The following WDR70 variants were observed in gnomAD, a reference collection of about 807,000 sequenced individuals.
WDR70 encodes WD repeat-containing protein 70.
In WDR70, 53 loss-of-function variants were observed where a neutral mutation model predicts 88.6. That is an observed-to-expected ratio of 0.60 (90% CI 0.48 to 0.75). The LOEUF (loss-of-function observed/expected upper bound fraction) is 0.75. WDR70 is among the 30% of genes least tolerant of loss of function. WDR70 has a pLI of 0.00. For missense variants in WDR70, 610 were observed against 823.2 expected (o/e 0.74, Z 3.17); for synonymous variants, 280 against 270.0 (o/e 1.04, Z -0.36).
At chr5:37,620,563 T>C (rs1744481024) in intron 10 of WDR70, among the ~76,000 whole-genome samples, 1 of 152,208 alleles carries the variant, frequency 6.6e-6, no homozygotes, top group Admixed American at 6.5e-5. Flanking sequence ...CACAGGCATA[T>C]ATGAAACTGA....
In WDR70 at chr5:37,592,506, G is replaced by C. The variant is rs560469522; in HGVS notation, c.918-12558G>C. ...ACTGCGCAGCACAGTAGCATCACCA[G>C]AATACGTGTATCAACTGTTACACAG... On this transcript the variant is annotated intron_variant, in intron 9 of 17. Transcript: ENST00000265107. Among the ~76,000 whole-genome samples, 10 of 152,318 alleles carry C rather than the reference G, an allele frequency of 6.6e-5. No individual in the cohort carries two copies. In the South Asian group the frequency reaches 1.9e-3, roughly 28 times the overall value.
chr5:37,544,956 A>G (rs1021249698), intron 9 of WDR70, among the ~76,000 whole-genome samples: 1 of 151,840 alleles, frequency 6.6e-6, no homozygotes, highest in African/African-American at 2.4e-5. Flanking sequence ...AGAAAAGTAA[A>G]CTTTTCTGTA....
chr5:37,683,508 C>T (rs1384181916), intron 10 of WDR70, among the ~76,000 whole-genome samples: 1 of 152,114 alleles, frequency 6.6e-6, no homozygotes, highest in Non-Finnish European at 1.5e-5. Flanking sequence ...TTTAGTACTT[C>T]TTCAGGACTG....
chr5:37,625,644 C>A (rs1744642191), intron 10 of WDR70, among the ~76,000 whole-genome samples: 1 of 152,088 alleles, frequency 6.6e-6, no homozygotes, highest in Non-Finnish European at 1.5e-5. Context: ...CCTGCCTCAG[C>A]CTCCTGAGTA....
At chr5:37,641,641 G>A (rs983533418) in intron 10 of WDR70, among the ~76,000 whole-genome samples, 3 of 151,414 alleles carry the variant, frequency 2.0e-5, no homozygotes, top group Middle Eastern at 3.2e-3. Flanking sequence ...GGTCTTGAAC[G>A]CCTGACCTTA....
intron 10 of WDR70, among the ~76,000 whole-genome samples, chr5:37,647,532 G>A (rs2112553349): frequency 6.6e-6 from 1 of 152,268 alleles, no homozygotes; most frequent in South Asian, 2.1e-4. Context: ...TCAGGCATTT[G>A]AAGGAACTTG....
intron 17 of WDR70, among the ~76,000 whole-genome samples, chr5:37,743,350 G>A (rs368966197): frequency 5.3e-5 from 8 of 152,178 alleles, no homozygotes; most frequent in East Asian, 1.9e-4. Context: ...TCCTAACCCC[G>A]GAATGTGCAG....
At chr5:37,722,639 G>C in intron 14 of WDR70, 1 of 550,366 alleles carries the variant, frequency 1.8e-6, no homozygotes, top group Non-Finnish European at 3.3e-6. Context: ...CAACCCTCTT[G>C]CTTGTTAATA....
chr5:37,732,556 T>C (rs992469868), intron 17 of WDR70, among the ~76,000 whole-genome samples: 3 of 152,124 alleles, frequency 2.0e-5, no homozygotes, highest in African/African-American at 7.2e-5. Context: ...GGTGAAAATG[T>C]ATAATTTGTG....
intron 10 of WDR70, among the ~76,000 whole-genome samples, chr5:37,659,009 G>A (rs989644167): frequency 2.6e-5 from 4 of 152,064 alleles, no homozygotes; most frequent in Non-Finnish European, 5.9e-5. Flanking sequence ...ATACTAGAAG[G>A]TTCTCTTTAG....
At chr5:37,711,987 CTTTTTTTTTTTTT>C (rs70978842) in intron 13 of WDR70, among the ~76,000 whole-genome samples, 1 of 104,022 alleles carries the variant, frequency 9.6e-6, no homozygotes, top group African/African-American at 3.7e-5. Flanking sequence ...TATATTTTTT[CTTTTTTTTTTTTT>C]TTTTTTTCTT....
intron 7 of WDR70, among the ~76,000 whole-genome samples, chr5:37,447,079 CT>C (rs1388661768): frequency 6.6e-6 from 1 of 152,020 alleles, no homozygotes; most frequent in Non-Finnish European, 1.5e-5. Context: ...ACAAAGAACT[CT>C]TAACAAATTT....
At chr5:37,450,491 T>G (rs1738642219) in intron 7 of WDR70, among the ~76,000 whole-genome samples, 1 of 152,192 alleles carries the variant, frequency 6.6e-6, no homozygotes, top group African/African-American at 2.4e-5. Context: ...CTAACTCTAA[T>G]CCAGTACTAT....
At position 37,506,502 on chromosome 5, in the gene WDR70, A is replaced by G; in HGVS notation, c.841-10012A>G. 3.9e-6 allele frequency: 3 copies of G among 769,658 alleles called. No individual in the cohort carries two copies. The South Asian group carries it at 4.0e-5, about 10-fold the overall frequency. 47.7% of individuals were successfully genotyped at this position (769,658 alleles called of 1,614,324 possible). A position where few individuals can be genotyped will look rare whatever the true frequency, so the allele number is the denominator to read the frequency against. The stretch of plus-strand genomic sequence containing the variant: ...TCCCCAGACACCTCTGTTCTTAAGC[A>G]TGTGGGCCAGCATACTGTCAGGTTC... On this transcript the variant is annotated intron_variant, in intron 8 of 17. Coordinates refer to ENST00000265107, the MANE Select transcript of WDR70 (RefSeq NM_018034.4).
chr5:37,448,989 A>G (rs1738580966), intron 7 of WDR70, among the ~76,000 whole-genome samples: 2 of 152,320 alleles, frequency 1.3e-5, no homozygotes, highest in Admixed American at 1.3e-4. Flanking sequence ...ATTACATCAT[A>G]TCGGGGTACT....
chr5:37,630,226 G>C (rs539732186), intron 10 of WDR70, among the ~76,000 whole-genome samples: 9 of 152,176 alleles, frequency 5.9e-5, no homozygotes, highest in Admixed American at 2.0e-4. Context: ...TGTTACTCTA[G>C]CCAGGAGCAC....
At chr5:37,687,292 T>C (rs1467633533) in intron 10 of WDR70, among the ~76,000 whole-genome samples, 1 of 152,190 alleles carries the variant, frequency 6.6e-6, no homozygotes, top group African/African-American at 2.4e-5. Context: ...TGATATAAAA[T>C]TTGGGAGGTC....
intron 7 of WDR70, among the ~76,000 whole-genome samples, chr5:37,446,822 A>G (rs1424346725): frequency 6.6e-6 from 1 of 152,234 alleles, no homozygotes; most frequent in Non-Finnish European, 1.5e-5. Context: ...TGTTAGACCT[A>G]AAACCATAAA....
At position 37,717,415 on chromosome 5, in the gene WDR70, T is replaced by G. The variant is rs1298366976; in HGVS notation, c.1417-3700T>G. Reference sequence around the variant, plus strand: ...GATCTCATGTCTTGATGTTCCTTCCTGGTTCTCTGGTCCTTTTATTCAAAT... The same window carrying G: ...GATCTCATGTCTTGATGTTCCTTCCGGGTTCTCTGGTCCTTTTATTCAAAT... On this transcript the variant is annotated intron_variant, in intron 13 of 17. Transcript: ENST00000265107. Among the ~76,000 whole-genome samples the G allele has an allele frequency of 2.6e-5, 4 of 152,190 alleles. No homozygotes were observed. The East Asian group carries it at 7.7e-4, about 29-fold the overall frequency.
Sources: allele counts gnomAD v4.1 joint callset (sites outside exome capture counted in the v4.1 genomes callset), GRCh38; gene constraint gnomAD v4.1.1; transcripts MANE v1.5; gene names NCBI Gene and HGNC (gene_info 2026-07-23, HGNC 2026-07-21).